Variants in CDK14 observed in about 807,000 individuals in gnomAD.
CDK14 encodes the protein cyclin-dependent kinase 14.
CDK14 carries 34 observed loss-of-function variants against 60.7 expected under a neutral mutation model. The observed-to-expected ratio is 0.56, with a 90% confidence interval of 0.43 to 0.75. The LOEUF (loss-of-function observed/expected upper bound fraction) is 0.75. Among genes scored for constraint, CDK14 ranks in the 30% least tolerant of loss-of-function variants. CDK14 has a pLI of 0.00. For synonymous variants in CDK14, 197 were observed against 203.7 expected (o/e 0.97, Z 0.28); for missense variants, 482 against 564.1 (o/e 0.85, Z 1.47).
intron 8 of CDK14, among the ~76,000 whole-genome samples, chr7:90,929,301 G>A (rs1199960344): frequency 6.6e-6 from 1 of 152,184 alleles, no homozygotes; most frequent in East Asian, 1.9e-4. Flanking sequence ...CTCATGCTGG[G>A]AGCTGCAGAC....
At chr7:90,763,893 T>C (rs1303551682) in intron 4 of CDK14, among the ~76,000 whole-genome samples, 1 of 152,194 alleles carries the variant, frequency 6.6e-6, no homozygotes, top group East Asian at 1.9e-4. Context: ...GGCACAGTTC[T>C]GGTTTATGCT....
intron 8 of CDK14, among the ~76,000 whole-genome samples, chr7:90,947,622 T>C (rs926335140): frequency 6.6e-6 from 1 of 152,156 alleles, no homozygotes; most frequent in East Asian, 1.9e-4. Context: ...GTACATCCAC[T>C]GATTTTCATG....
chr7:90,768,449 AAGC>A (rs1804653926), intron 4 of CDK14, among the ~76,000 whole-genome samples: 1 of 152,198 alleles, frequency 6.6e-6, no homozygotes, highest in Non-Finnish European at 1.5e-5. Context: ...AAGTTGGAGA[AAGC>A]AGAGTTGGCA....
At chr7:90,890,327 C>G (rs1792074947) in intron 6 of CDK14, among the ~76,000 whole-genome samples, 1 of 152,150 alleles carries the variant, frequency 6.6e-6, no homozygotes, top group South Asian at 2.1e-4. Context: ...GAGCTATGAT[C>G]ACACCACTAC....
intron 14 of CDK14, among the ~76,000 whole-genome samples, chr7:91,168,260 CAAAAAAA>C (rs35827575): frequency 2.4e-5 from 3 of 123,740 alleles, no homozygotes; most frequent in African/African-American, 8.5e-5. Context: ...GACTCTGTCT[CAAAAAAA>C]AAAAAAAAAG....
At chr7:90,740,339 G>A (rs2116776352) in intron 3 of CDK14, among the ~76,000 whole-genome samples, 1 of 151,684 alleles carries the variant, frequency 6.6e-6, no homozygotes, top group East Asian at 1.9e-4. Context: ...GCTGAATGGT[G>A]TTCCCTTAAA....
intron 2 of CDK14, chr7:90,666,204 T>C (rs1800975867): frequency 6.6e-6 from 1 of 152,240 alleles, no homozygotes. Flanking sequence ...AATACAACGT[T>C]GCTTGGTTAA....
chr7:91,044,473 T>C (rs1187601626), intron 10 of CDK14, among the ~76,000 whole-genome samples: 1 of 152,142 alleles, frequency 6.6e-6, no homozygotes, highest in African/African-American at 2.4e-5. Context: ...ACAAAGTCTG[T>C]CCTATCAGTC....
intron 10 of CDK14, among the ~76,000 whole-genome samples, chr7:91,028,450 T>C (rs1259197762): frequency 6.6e-6 from 1 of 152,210 alleles, no homozygotes; most frequent in East Asian, 1.9e-4. Context: ...TACCTACTAG[T>C]AGAATTACTG....
chr7:90,774,410 C>A (rs1230271993), intron 4 of CDK14, among the ~76,000 whole-genome samples: 1 of 151,978 alleles, frequency 6.6e-6, no homozygotes, highest in Non-Finnish European at 1.5e-5. Context: ...TGAGTGACAC[C>A]CTTATTTTTA....
At chr7:90,788,423 C>T (rs776976641) in intron 4 of CDK14, among the ~76,000 whole-genome samples, 17 of 152,196 alleles carry the variant, frequency 1.1e-4, no homozygotes, top group Non-Finnish European at 1.6e-4. Flanking sequence ...ATCTGGGTAC[C>T]TAGAGCACAA....
At chr7:90,627,473 A>C (rs1799901567) in intron 2 of CDK14, among the ~76,000 whole-genome samples, 1 of 152,200 alleles carries the variant, frequency 6.6e-6, no homozygotes, top group African/African-American at 2.4e-5. Context: ...TTGGCCTCCC[A>C]AACTGCTGGG....
intron 3 of CDK14, among the ~76,000 whole-genome samples, chr7:90,736,886 A>G (rs878883012): frequency 1.3e-5 from 2 of 152,214 alleles, no homozygotes; most frequent in African/African-American, 4.8e-5. Context: ...CAAGGAACCA[A>G]GAATGCCTTG....
At chr7:90,892,464 A>C (rs532467011) in intron 6 of CDK14, among the ~76,000 whole-genome samples, 5 of 152,230 alleles carry the variant, frequency 3.3e-5, no homozygotes, top group South Asian at 4.1e-4. Context: ...CTGAGACTCA[A>C]CTGTGAAAAT....
At chr7:90,783,051 G>A in intron 4 of CDK14, among the ~76,000 whole-genome samples, 1 of 151,990 alleles carries the variant, frequency 6.6e-6, no homozygotes, top group Non-Finnish European at 1.5e-5. Context: ...TGCAAATTTG[G>A]GTGGTTTAAA....
chr7:90,614,868 A>G (rs1222981355), intron 2 of CDK14, among the ~76,000 whole-genome samples: 1 of 152,120 alleles, frequency 6.6e-6, no homozygotes, highest in Non-Finnish European at 1.5e-5. Flanking sequence ...TGGTAAGTTT[A>G]TTGTGACCTG....
intron 12 of CDK14, among the ~76,000 whole-genome samples, chr7:91,084,485 C>G (rs1798573963): frequency 4.6e-5 from 7 of 152,336 alleles, no homozygotes. Flanking sequence ...AGATGACAGG[C>G]CTGCCTGCTA....
chr7:90,969,175 A>G (rs974003545), intron 9 of CDK14, among the ~76,000 whole-genome samples: 14 of 152,166 alleles, frequency 9.2e-5, no homozygotes, highest in Non-Finnish European at 7.4e-5. Context: ...TCTTGCATCT[A>G]TTATCTCAGA....
At chr7:90,909,060 T>A (rs1486850505) in intron 7 of CDK14, among the ~76,000 whole-genome samples, 1 of 152,174 alleles carries the variant, frequency 6.6e-6, no homozygotes, top group African/African-American at 2.4e-5. Context: ...TGATTCGTTT[T>A]CATTTTGTAT....
Sources: allele counts gnomAD v4.1 joint callset (sites outside exome capture counted in the v4.1 genomes callset), GRCh38; gene constraint gnomAD v4.1.1; transcripts MANE v1.5; gene names NCBI Gene and HGNC (gene_info 2026-07-23, HGNC 2026-07-21).